Variants in TNRC6C observed in about 807,000 individuals in gnomAD.
TNRC6C encodes trinucleotide repeat-containing gene 6C protein.
Under a neutral mutation model 153.7 loss-of-function variants are expected in TNRC6C, and 20 were observed. The observed-to-expected ratio is 0.13, with a 90% CI of 0.09 to 0.19. The LOEUF is 0.19. Ranked by LOEUF, TNRC6C falls within the 10% of genes least tolerant of loss-of-function variation. The pLI, the probability that TNRC6C is intolerant of heterozygous loss-of-function variation, is 1.00. For missense variants in TNRC6C, 1,987 were observed against 2,172.0 expected, an observed-to-expected ratio of 0.91 and a Z score of 1.69; for synonymous variants, 811 against 841.4, an observed-to-expected ratio of 0.96 and a Z score of 0.63.
rs74333062 is a variant in TNRC6C at position 78,075,742 on chromosome 17, G to T, written c.3060+464G>T. 1.3e-5 allele frequency among the ~76,000 whole-genome samples: 2 copies of T among 152,190 alleles called. No homozygotes were observed. Among genetic ancestry groups the T allele is most frequent in the Non-Finnish European group, 2.9e-5 (2 of 68,022 alleles). The stretch of plus-strand genomic sequence containing the variant: ...ACCACAGCTGGCATCTGTGGAAAAC[G>T]CCCTGAATGTTTAGCCAGTCCGGTC... On this transcript the variant is annotated intron_variant, in intron 8 of 19. Transcript: ENST00000301624. This position sits in a 1 kb window ranked among gnomAD's most constrained non-coding sequence, Gnocchi z 4.2.
At chr17:77,987,078 A>G (rs1050642477) in intron 1 of TNRC6C, among the ~76,000 whole-genome samples, 1 of 152,222 alleles carries the variant, frequency 6.6e-6, no homozygotes, top group African/African-American at 2.4e-5. Flanking sequence ...AAGGCAGACA[A>G]AAACTGGGGG....
At chr17:78,062,718 G>A (rs1371333572) in intron 3 of TNRC6C, among the ~76,000 whole-genome samples, 1 of 152,128 alleles carries the variant, frequency 6.6e-6, no homozygotes. Context: ...AGTGTGAAGG[G>A]CGTGGGGAAA....
chr17:77,958,403 AGC>A (rs1304733751), upstream of TNRC6C, among the ~76,000 whole-genome samples: 1 of 151,638 alleles, frequency 6.6e-6, no homozygotes, highest in Non-Finnish European at 1.5e-5. Context: ...GGCCACTCGG[AGC>A]GCGCACCGCT....
chr17:78,025,470 A>AGT (rs2071923665), intron 1 of TNRC6C, among the ~76,000 whole-genome samples: 1 of 152,234 alleles, frequency 6.6e-6, no homozygotes, highest in South Asian at 2.1e-4. Flanking sequence ...TGAATGCACC[A>AGT]GTTTATCCAT....
chr17:78,023,641 C>T (rs2071878217), intron 1 of TNRC6C, among the ~76,000 whole-genome samples: 1 of 151,700 alleles, frequency 6.6e-6, no homozygotes, highest in African/African-American at 2.4e-5. Context: ...CCCATCTCTA[C>T]TAAAGATACA....
chr17:77,963,507 C>G (rs573885473), intron 1 of TNRC6C, among the ~76,000 whole-genome samples: 1 of 152,232 alleles, frequency 6.6e-6, no homozygotes, highest in East Asian at 1.9e-4. Flanking sequence ...CTTTTCTTAG[C>G]TTTAGATGTT....
At chr17:78,050,321 G>T (rs537887612) in exon 3 of TNRC6C, 2 of 1,585,228 alleles carry the variant, frequency 1.3e-6, no homozygotes, top group Admixed American at 3.5e-5. Flanking sequence ...GGAGAAGGCC[G>T]AAGGCGAGAT....
At chr17:77,967,821 C>G (rs774272323) in intron 1 of TNRC6C, among the ~76,000 whole-genome samples, 1 of 152,130 alleles carries the variant, frequency 6.6e-6, no homozygotes, top group Non-Finnish European at 1.5e-5. Context: ...TGAGATTATT[C>G]TGGCCAAGCC....
intron 1 of TNRC6C, among the ~76,000 whole-genome samples, chr17:78,009,814 A>G (rs925189697): frequency 1.3e-5 from 2 of 152,134 alleles, no homozygotes; most frequent in Non-Finnish European, 2.9e-5. Flanking sequence ...CGGCCTCCCA[A>G]AGTGCTGGGA....
At chr17:78,054,287 GACACTACTGC>G (rs1248439676) in intron 3 of TNRC6C, among the ~76,000 whole-genome samples, 8 of 152,086 alleles carry the variant, frequency 5.3e-5, no homozygotes, top group East Asian at 1.9e-4. Context: ...GAAGGCTTGG[GACACTACTGC>G]ACACTACTGC....
At chr17:78,107,499 A>G (rs2073721915) in exon 20 of TNRC6C, 1 of 152,148 alleles carries the variant, frequency 6.6e-6, no homozygotes, top group African/African-American at 2.4e-5. Context: ...GACACTATGG[A>G]TGTCTACTTT....
intron 1 of TNRC6C, among the ~76,000 whole-genome samples, chr17:78,025,603 C>T (rs1031966920): frequency 6.6e-6 from 1 of 151,942 alleles, no homozygotes; most frequent in Admixed American, 6.6e-5. Context: ...GGGTAAATAC[C>T]TATTAGCTTT....
intron 2 of TNRC6C, among the ~76,000 whole-genome samples, chr17:78,044,776 A>C (rs1374067827): frequency 6.6e-6 from 1 of 152,210 alleles, no homozygotes; most frequent in East Asian, 1.9e-4. Flanking sequence ...ACAAAGCCTA[A>C]AGCATTTTGG....
At chr17:78,001,641 TC>T, upstream of TNRC6C, among the ~76,000 whole-genome samples, 1 of 152,336 alleles carries the variant, frequency 6.6e-6, no homozygotes, top group South Asian at 2.1e-4. Flanking sequence ...CAAAAAAGTT[TC>T]TATAACATAA....
intron 11 of TNRC6C, among the ~76,000 whole-genome samples, chr17:78,086,018 T>G (rs985947217): frequency 6.6e-6 from 1 of 152,056 alleles, no homozygotes; most frequent in African/African-American, 2.4e-5. Flanking sequence ...CTTTTAAAAG[T>G]GCTCTGTGCC....
In TNRC6C at chr17:77,986,361, C is replaced by T. The variant is rs901790036; in HGVS notation, c.-37-17809C>T. On this transcript the variant is annotated intron_variant, in intron 1 of 22. Transcript: ENST00000636222. ...ACGCGGGAGACAGGTTGTGGTGAGCCGAGATCGCGCCATTGCACTCCAGCC... is the reference window on the plus strand; with the variant it reads ...ACGCGGGAGACAGGTTGTGGTGAGCTGAGATCGCGCCATTGCACTCCAGCC... Among the ~76,000 whole-genome samples the T allele has an allele frequency of 4.1e-5, 6 of 146,340 alleles. No homozygotes were observed. The South Asian group carries it at 6.4e-4, about 16-fold the overall frequency.
At position 78,102,527 on chromosome 17, in the gene TNRC6C, C is replaced by T. The variant is rs202000491; in HGVS notation, c.4555C>T (p.Arg1519Ter). 6.2e-7 allele frequency: 1 copy of T among 1,604,258 alleles called. No individual in the cohort carries two copies. Among genetic ancestry groups the T allele is most frequent in the Non-Finnish European group, 8.5e-7 (1 of 1,175,480 alleles). ...AAGAACCAGCAGCTGGCTCGTTCTT[C>T]GAAACCTCACTCCCCAGGTGCAATA... is the stretch of plus-strand genomic sequence containing the variant. The change falls in exon 18 of 20, where the codon CGA becomes TGA. Residue 1519 changes from arginine (R) to a stop codon, truncating the protein, a stop_gained. Transcript: ENST00000301624. LOFTEE classifies it high-confidence loss of function.
exon 3 of TNRC6C, chr17:78,050,010 C>T: frequency 6.2e-7 from 1 of 1,613,576 alleles, no homozygotes; most frequent in Non-Finnish European, 8.5e-7. Context: ...GGGGCAGTGG[C>T]AACAATGGCG....
At chr17:77,979,520 C>T (rs1467568751) in intron 1 of TNRC6C, among the ~76,000 whole-genome samples, 1 of 151,798 alleles carries the variant, frequency 6.6e-6, no homozygotes, top group Non-Finnish European at 1.5e-5. Context: ...AAGACAATAT[C>T]CATACCAAAG....
Sources: gnomAD v4.1 joint callset for allele counts (sites outside exome capture counted in the v4.1 genomes callset) on GRCh38, gnomAD v4.1.1 for gene constraint, Gnocchi (gnomAD v3.1) non-coding constraint, MANE v1.5 for transcripts, NCBI Gene and HGNC (gene_info 2026-07-23, HGNC 2026-07-21) for gene names.